PDZRN4: variants seen among roughly 807,000 people sequenced by gnomAD.
The protein encoded by PDZRN4 is PDZ domain containing ring finger 4.
A neutral mutation model predicts 99.0 loss-of-function variants in PDZRN4; 70 were observed. The observed-to-expected ratio is 0.71, with a 90% confidence interval of 0.58 to 0.86. The LOEUF is 0.86. Among genes scored for constraint, PDZRN4 ranks in the 40% least tolerant of loss-of-function variants. PDZRN4 has a pLI of 0.00. For synonymous variants in PDZRN4, 551 were observed against 501.6 expected, an observed-to-expected ratio of 1.10 and a Z score of -1.32; for missense variants, 1,474 against 1,331.2, an observed-to-expected ratio of 1.11 and a Z score of -1.67.
At chr12:41,508,972 T>C (rs1339118121) in intron 4 of PDZRN4, among the ~76,000 whole-genome samples, 1 of 152,204 alleles carries the variant, frequency 6.6e-6, no homozygotes, top group African/African-American at 2.4e-5. Flanking sequence ...AGAAAAGGCC[T>C]TATGCTCTTT....
intron 4 of PDZRN4, among the ~76,000 whole-genome samples, chr12:41,508,391 T>C (rs1033682288): frequency 6.6e-6 from 1 of 152,296 alleles, no homozygotes; most frequent in South Asian, 2.1e-4. Context: ...CCTTAATTAT[T>C]GCACTGTATT....
intron 3 of PDZRN4, among the ~76,000 whole-genome samples, chr12:41,279,102 TTA>T (rs1370627795): frequency 3.3e-5 from 5 of 152,200 alleles, no homozygotes; most frequent in Non-Finnish European, 7.3e-5. Context: ...GGGAAACCAG[TTA>T]CACGCAGGGT....
Position 41,440,075 on chromosome 12 carries a change from G to T in PDZRN4, c.844-66381G>T, listed in dbSNP as rs368635521. The stretch of plus-strand genomic sequence containing the variant: ...AACATGTTCTTAACCAGGTGTTCAG[G>T]AGGGCACATAGCTTCCCCCATAAGA... On this transcript the variant is annotated intron_variant, in intron 3 of 9. Coordinates refer to ENST00000402685, the MANE Select transcript of PDZRN4 (RefSeq NM_001164595.2). Among the ~76,000 whole-genome samples the T allele has an allele frequency of 1.1e-4, 17 of 152,256 alleles. No homozygotes were observed. The East Asian group carries it at 3.1e-3, about 28-fold the overall frequency.
chr12:41,324,337 G>A (rs4768003), intron 3 of PDZRN4, among the ~76,000 whole-genome samples: 75,431 of 151,852 alleles, frequency 0.5, 20,227 homozygotes, highest in Middle Eastern at 0.66. Flanking sequence ...TTAAAAATCA[G>A]GAAAGAGATT....
At chr12:41,495,226 A>G (rs984184593) in intron 3 of PDZRN4, among the ~76,000 whole-genome samples, 2 of 152,072 alleles carry the variant, frequency 1.3e-5, no homozygotes, top group Non-Finnish European at 2.9e-5. Context: ...TAGGTTGGTA[A>G]TAACTGGAAA....
intron 5 of PDZRN4, among the ~76,000 whole-genome samples, chr12:41,551,328 C>T (rs1939050815): frequency 6.6e-6 from 1 of 152,098 alleles, no homozygotes. Flanking sequence ...TGGTAATCAC[C>T]TACCAAAGTC....
chr12:41,507,119 C>T (rs1938221206), intron 4 of PDZRN4, among the ~76,000 whole-genome samples: 1 of 152,064 alleles, frequency 6.6e-6, no homozygotes, highest in East Asian at 1.9e-4. Flanking sequence ...CCTCTGTGGG[C>T]CACCTCTCTC....
Position 41,532,537 on chromosome 12 carries a change from C to G in PDZRN4, c.1204-20119C>G, listed in dbSNP as rs141951174. 3.3e-3 allele frequency among the ~76,000 whole-genome samples: 498 copies of G among 152,258 alleles called. 5 individuals are homozygous for G. Among genetic ancestry groups the G allele is most frequent in the African/African-American group, 0.012 (482 of 41,564 alleles). On this transcript the variant is annotated intron_variant, in intron 5 of 9. Coordinates refer to ENST00000402685, the MANE Select transcript of PDZRN4 (RefSeq NM_001164595.2). The stretch of plus-strand genomic sequence containing the variant: ...TTCCAAATCATGAACATGAGTTCTT[C>G]TTTTCTCTAGGTCCTCTTTAATATT...
chr12:41,504,783 T>C (rs935976309), intron 3 of PDZRN4, among the ~76,000 whole-genome samples: 5 of 152,068 alleles, frequency 3.3e-5, no homozygotes, highest in African/African-American at 1.2e-4. Flanking sequence ...ATTTTTCAAG[T>C]TTAGTTCATG....
rs1171068565 is a variant in PDZRN4 at position 41,379,805 on chromosome 12, AGAAGAATGTGTATTTTGCTTCTGTT to A, written c.844-126649_844-126625del. ...CTATGGAATATTTTATGTGTATTTG[AGAAGAATGTGTATTTTGCTTCTGTT>A]GGATGAAATGTTTTGTTTATATCTG... On this transcript the variant is annotated intron_variant, in intron 3 of 9. Transcript: ENST00000402685. Among the ~76,000 whole-genome samples the A allele has an allele frequency of 9.9e-5, 15 of 151,966 alleles. 1 individual carries two copies. The South Asian group carries it at 2.9e-3, about 29-fold the overall frequency.
chr12:41,368,932 T>A (rs931343046), intron 3 of PDZRN4, among the ~76,000 whole-genome samples: 2 of 152,104 alleles, frequency 1.3e-5, no homozygotes, highest in Admixed American at 6.6e-5. Context: ...CATATTTACA[T>A]AAGTAAGAGA....
At chr12:41,476,356 T>C (rs1254930703) in intron 3 of PDZRN4, among the ~76,000 whole-genome samples, 3 of 152,190 alleles carry the variant, frequency 2.0e-5, no homozygotes, top group African/African-American at 4.8e-5. Context: ...CAATTAGAGA[T>C]TAAAAATAGG....
intron 3 of PDZRN4, among the ~76,000 whole-genome samples, chr12:41,431,711 T>C (rs562452278): frequency 4.1e-4 from 62 of 152,334 alleles, no homozygotes; most frequent in African/African-American, 1.4e-3. Flanking sequence ...TAGGAGTTCA[T>C]AAGTTGGTGA....
chr12:41,384,884 G>T (rs557694810), intron 3 of PDZRN4, among the ~76,000 whole-genome samples: 1 of 152,238 alleles, frequency 6.6e-6, no homozygotes, highest in East Asian at 1.9e-4. Flanking sequence ...CTAAACACTT[G>T]GAATCCTGCC....
chr12:41,188,555 GGGCACGTCTTCT>G lies in PDZRN4; in HGVS notation c.102_113del (p.His35_Cys38del). ...TGAAGAGCCCCTGTGCACGCCGTGC[GGGCACGTCTTCT>G]GCGCCAGCTGCCTGTTGCCCTGGGC... On this transcript the variant is annotated inframe_deletion, in exon 1 of 10. Transcript: ENST00000402685. The G allele has an allele frequency of 6.4e-7, 1 of 1,558,832 alleles. No individual in the cohort carries two copies. The highest frequency in any genetic ancestry group is 8.6e-7 in the Non-Finnish European group (1 of 1,159,910).
intron 3 of PDZRN4, chr12:41,412,944 G>A (rs12314238): frequency 0.48 from 72,283 of 151,754 alleles, 17,461 homozygotes; most frequent in African/African-American, 0.56. Context: ...ACAAAAATTA[G>A]TCAGATGTGG....
chr12:41,351,401 C>T (rs894363268), intron 3 of PDZRN4, among the ~76,000 whole-genome samples: 1 of 151,952 alleles, frequency 6.6e-6, no homozygotes, highest in African/African-American at 2.4e-5. Flanking sequence ...TGTATGAGTT[C>T]GTTCTTGCAC....
At chr12:41,528,149 G>C (rs1938601161) in intron 5 of PDZRN4, among the ~76,000 whole-genome samples, 1 of 152,130 alleles carries the variant, frequency 6.6e-6, no homozygotes, top group Non-Finnish European at 1.5e-5. Flanking sequence ...TGCATGGATG[G>C]TGTCTGAGGA....
chr12:41,268,888 C>T (rs954985092), intron 3 of PDZRN4, among the ~76,000 whole-genome samples: 3 of 152,104 alleles, frequency 2.0e-5, no homozygotes, highest in Admixed American at 6.6e-5. Context: ...TGGAAAATTG[C>T]GTGATTGAAA....
Sources: allele counts gnomAD v4.1 joint callset (sites outside exome capture counted in the v4.1 genomes callset), GRCh38; gene constraint gnomAD v4.1.1; transcripts MANE v1.5; gene names NCBI Gene and HGNC (gene_info 2026-07-23, HGNC 2026-07-21).